FMO5: variants seen among roughly 807,000 people sequenced by gnomAD.
FMO5 encodes flavin containing dimethylaniline monoxygenase 5, also known as flavin-containing monooxygenase 5.
Under a neutral mutation model 43.6 loss-of-function variants are expected in FMO5, and 51 were observed. The ratio of observed to expected loss-of-function variants is 1.17; its 90% CI spans 0.93 to 1.48. The LOEUF (loss-of-function observed/expected upper bound fraction) is 1.48. Ranked by LOEUF, FMO5 falls within the 40% of genes most tolerant of loss-of-function variation. The pLI is 0.00. For missense variants in FMO5, 644 were observed against 643.0 expected, an observed-to-expected ratio of 1.00 and a Z score of -0.02; for synonymous variants, 187 against 216.5, an observed-to-expected ratio of 0.86 and a Z score of 1.20.
chr1:147,196,213 A>G (rs1046350300), intron 7 of FMO5, among the ~76,000 whole-genome samples: 1 of 152,142 alleles, frequency 6.6e-6, no homozygotes, highest in Non-Finnish European at 1.5e-5. Context: ...TATGGAACTC[A>G]GAAGTTCATC....
At chr1:147,215,153 A>C (rs1226430958) in intron 3 of FMO5, 1 of 152,208 alleles carries the variant, frequency 6.6e-6, no homozygotes, top group East Asian at 1.9e-4. Context: ...TGGTACAATC[A>C]TCTTGTTTTA....
chr1:147,207,176 T>C (rs1553922537), intron 6 of FMO5, among the ~76,000 whole-genome samples: 1 of 152,144 alleles, frequency 6.6e-6, no homozygotes, highest in Non-Finnish European at 1.5e-5. Context: ...CAATATACAC[T>C]GAAGTATTTA....
intron 7 of FMO5, among the ~76,000 whole-genome samples, chr1:147,193,904 G>T (rs1465183990): frequency 6.6e-6 from 1 of 152,028 alleles, no homozygotes. Context: ...TTTTACATTT[G>T]CTGAGGAGTG....
Position 147,220,223 on chromosome 1 carries a change from C to T in FMO5, c.136-4281G>A, listed in dbSNP as rs587711604. Among the ~76,000 whole-genome samples, 5 of 152,102 alleles carry T rather than the reference C, an allele frequency of 3.3e-5. No homozygotes were observed. The South Asian group carries it at 1.0e-3, about 32-fold the overall frequency. ...ATAGTAATACCCCTGAAATTACATACGTAGGTATAAACATAACAAAATATG... is the reference window on the plus strand; with the variant it reads ...ATAGTAATACCCCTGAAATTACATATGTAGGTATAAACATAACAAAATATG... On this transcript the variant is annotated intron_variant, in intron 2 of 8. Coordinates refer to ENST00000254090, the MANE Select transcript of FMO5 (RefSeq NM_001461.4).
At chr1:147,214,338 C>G (rs1332492927) in intron 3 of FMO5, among the ~76,000 whole-genome samples, 6 of 151,956 alleles carry the variant, frequency 3.9e-5, no homozygotes, top group African/African-American at 1.5e-4. Context: ...GTAATCCCAG[C>G]TACTCGGGAG....
At chr1:147,198,830 G>A (rs1209683923) in intron 7 of FMO5, among the ~76,000 whole-genome samples, 1 of 117,742 alleles carries the variant, frequency 8.5e-6, no homozygotes, top group African/African-American at 3.3e-5. Flanking sequence ...CAGCCTGGGC[G>A]ACAGAGCGAG....
At position 147,208,890 on chromosome 1, in the gene FMO5, C is replaced by T. The variant is rs1553923063; in HGVS notation, c.792G>A (p.Arg264=). The T allele has an allele frequency of 6.2e-7, 1 of 1,614,142 alleles. No homozygotes were observed. Among genetic ancestry groups the T allele is most frequent in the South Asian group, 1.1e-5 (1 of 91,082 alleles). The part of the protein sequence containing the change: ...NKYLEKKINQ[R]FDHEMFGLKP... ...TCAGGCCAAACATTTCATGGTCAAA[C>T]CTTTGGTTTATCTTTTTTTCCAAAT... Residue 264 remains arginine (R), a synonymous_variant, in exon 6 of 9, where the codon AGG becomes AGA. Coordinates refer to ENST00000254090, the MANE Select transcript of FMO5 (RefSeq NM_001461.4).
rs1663751139 is a variant in FMO5, at chr1:147,224,881, G to A, written c.135+14C>T. The A allele has an allele frequency of 1.2e-6, 2 of 1,612,680 alleles. No homozygotes were observed. Among genetic ancestry groups the A allele is most frequent in the Admixed American group, 1.7e-5 (1 of 59,998 alleles). ...GAGGGTTTCAAGTATTAAGGGACTA[G>A]GAGATGTATGTACCTGGAACCTCCA... On this transcript the variant is annotated intron_variant, in intron 2 of 8. Transcript: ENST00000254090.
At chr1:147,203,657 T>A in intron 6 of FMO5, 3 of 1,410,414 alleles carry the variant, frequency 2.1e-6, no homozygotes, top group Non-Finnish European at 3.0e-6. Context: ...TGTCTCTCCA[T>A]ATGATGTGAT....
intron 6 of FMO5, chr1:147,208,611 G>C (rs1388393543): frequency 2.8e-6 from 1 of 354,540 alleles, no homozygotes; most frequent in African/African-American, 2.1e-5. Context: ...GGCTAATTTT[G>C]TGTTTTTAGT....
intron 6 of FMO5, among the ~76,000 whole-genome samples, chr1:147,202,784 C>CT (rs1659263126): frequency 6.6e-6 from 1 of 152,148 alleles, no homozygotes; most frequent in African/African-American, 2.4e-5. Context: ...ATGATTTCAT[C>CT]TTTTTCTCCA....
At chr1:147,217,100 C>T (rs1321095079) in intron 2 of FMO5, among the ~76,000 whole-genome samples, 6 of 152,000 alleles carry the variant, frequency 3.9e-5, no homozygotes, top group African/African-American at 9.7e-5. Flanking sequence ...ATTAGCCGGG[C>T]GTGGTGGCGC....
intron 7 of FMO5, among the ~76,000 whole-genome samples, chr1:147,196,886 T>C (rs1402701850): frequency 1.3e-5 from 2 of 152,116 alleles, no homozygotes; most frequent in Admixed American, 1.3e-4. Flanking sequence ...GTCTGGCTCC[T>C]CCAATTCCTT....
intron 7 of FMO5, among the ~76,000 whole-genome samples, chr1:147,200,499 A>C (rs587615769): frequency 6.6e-6 from 1 of 152,226 alleles, no homozygotes; most frequent in East Asian, 1.9e-4. Flanking sequence ...AACAGTTGTA[A>C]TGTTCTAGAA....
At chr1:147,202,749 C>T (rs1440325164) in intron 6 of FMO5, among the ~76,000 whole-genome samples, 3 of 152,162 alleles carry the variant, frequency 2.0e-5, no homozygotes, top group Non-Finnish European at 4.4e-5. Context: ...GACACTAGGT[C>T]GATTGTGTTC....
At position 147,213,336 on chromosome 1, in the gene FMO5, A is replaced by G; in HGVS notation, c.459T>C (p.Asn153=). 2 of 1,612,416 alleles carry G rather than the reference A, an allele frequency of 1.2e-6. No homozygotes were observed. Among genetic ancestry groups the G allele is most frequent in the South Asian group, 1.1e-5 (1 of 90,740 alleles). ...GGAAGCTTTCCAGAGGTAGATGAGCATTGGTGTGATGGCCAGTGCAAACCA... is the reference window on the plus strand; with the variant it reads ...GGAAGCTTTCCAGAGGTAGATGAGCGTTGGTGTGATGGCCAGTGCAAACCA... ...GVMVCTGHHT[N]AHLPLESFPG... The change falls in exon 4 of 9, where the codon AAT becomes AAC. Residue 153 remains asparagine (N), a synonymous_variant. Coordinates refer to ENST00000254090, the MANE Select transcript of FMO5 (RefSeq NM_001461.4).
intron 7 of FMO5, among the ~76,000 whole-genome samples, chr1:147,190,849 A>G (rs1302567424): frequency 3.3e-5 from 5 of 151,506 alleles, no homozygotes; most frequent in South Asian, 2.1e-4. Context: ...CCACCCCACA[A>G]CAGTCCCTGG....
intron 5 of FMO5, chr1:147,209,983 A>C (rs1272462680): frequency 2.6e-5 from 4 of 152,226 alleles, no homozygotes; most frequent in African/African-American, 9.7e-5. Context: ...ATAGGAGATA[A>C]AGCCTACACA....
chr1:147,184,805 C>T (rs1207655159), downstream of FMO5, among the ~76,000 whole-genome samples: 1 of 152,012 alleles, frequency 6.6e-6, no homozygotes, highest in Non-Finnish European at 1.5e-5. This position sits in a 1 kb window ranked among gnomAD's most constrained non-coding sequence, Gnocchi z 4.4. Flanking sequence ...TCCCCCTTTC[C>T]ATATGTAATT....
Sources: allele counts gnomAD v4.1 joint callset (sites outside exome capture counted in the v4.1 genomes callset), GRCh38; gene constraint gnomAD v4.1.1; non-coding constraint Gnocchi (gnomAD v3.1); transcripts MANE v1.5; gene names NCBI Gene and HGNC (gene_info 2026-07-23, HGNC 2026-07-21).